KIAA1549L: variants seen among roughly 807,000 people sequenced by gnomAD.
KIAA1549L encodes UPF0606 protein KIAA1549L.
In KIAA1549L, 88 loss-of-function variants were observed where a neutral mutation model predicts 160.7. The ratio of observed to expected loss-of-function variants is 0.55; its 90% CI spans 0.46 to 0.65. The LOEUF (loss-of-function observed/expected upper bound fraction) is 0.65, where lower values mean the gene tolerates loss of function less well. KIAA1549L is among the 30% of genes least tolerant of loss of function. The probability of loss-of-function intolerance (pLI) is 0.00; values close to 1 mark genes in which losing one functional copy is unlikely to be tolerated. For missense variants in KIAA1549L, 2,258 were observed against 2,437.5 expected, an observed-to-expected ratio of 0.93 and a Z score of 1.55; for synonymous variants, 950 against 976.7, an observed-to-expected ratio of 0.97 and a Z score of 0.51.
At chr11:33,397,737 C>G (rs1850412204) in intron 1 of KIAA1549L, among the ~76,000 whole-genome samples, 1 of 150,708 alleles carries the variant, frequency 6.6e-6, no homozygotes, top group Admixed American at 6.6e-5. Context: ...CACACACACA[C>G]ACACACACAC....
rs186053392 is a variant in KIAA1549L at position 33,611,116 on chromosome 11, G to A, written c.5279+1150G>A. ...CTAAGCAGAGTGATTTCACATGCAC[G>A]GTCAAAGGCAGAGGTTAGTGAACCC... is the stretch of plus-strand genomic sequence containing the variant. On this transcript the variant is annotated intron_variant, in intron 15 of 20. Transcript: ENST00000658780. Among the ~76,000 whole-genome samples, 173 of 152,296 alleles carry A rather than the reference G, an allele frequency of 1.1e-3. 1 individual carries two copies. The highest frequency in any genetic ancestry group is 1.8e-3 in the Non-Finnish European group (121 of 68,020).
chr11:33,600,811 T>A (rs946446004), intron 13 of KIAA1549L, among the ~76,000 whole-genome samples: 1 of 152,262 alleles, frequency 6.6e-6, no homozygotes, highest in Non-Finnish European at 1.5e-5. Flanking sequence ...CCCTTTCTCT[T>A]GCTTTAAACT....
intron 6 of KIAA1549L, 121 bp from the exon 7 acceptor site, chr11:33,559,628 C>T: frequency 9.4e-6 from 7 of 741,320 alleles, no homozygotes; most frequent in Non-Finnish European, 1.6e-5. Context: ...TGCTGTTTCC[C>T]TGACCCCCTT....
At chr11:33,492,876 T>C (rs1487617163) in intron 1 of KIAA1549L, among the ~76,000 whole-genome samples, 1 of 152,152 alleles carries the variant, frequency 6.6e-6, no homozygotes, top group East Asian at 1.9e-4. Flanking sequence ...TTTTTTCTGC[T>C]TTGTTAACAT....
In KIAA1549L at chr11:33,484,757, C is replaced by T. The variant is rs569870282; in HGVS notation, c.239-57045C>T. Among the ~76,000 whole-genome samples, 377 of 152,282 alleles carry T rather than the reference C, an allele frequency of 2.5e-3. 3 individuals are homozygous for T. The highest frequency in any genetic ancestry group is 4.1e-3 in the Non-Finnish European group (277 of 68,020). ...GTTCTCCACTGCATCAGTGTTGTGT[C>T]TTCTCCTTTTTTCAGTCCCACTCCA... On this transcript the variant is annotated intron_variant, in intron 1 of 20. Coordinates refer to ENST00000658780, the MANE Select transcript of KIAA1549L (RefSeq NM_012194.3).
intron 1 of KIAA1549L, among the ~76,000 whole-genome samples, chr11:33,419,614 G>A (rs903679332): frequency 2.0e-5 from 3 of 152,068 alleles, no homozygotes; most frequent in African/African-American, 4.8e-5. Context: ...GGGAGGCCGA[G>A]GTGGGCGGAT....
At chr11:33,430,009 C>CCCTTCCTTCCTTCCTTCCTTCCTT (rs762169127) in intron 1 of KIAA1549L, among the ~76,000 whole-genome samples, 27 of 93,384 alleles carry the variant, frequency 2.9e-4, no homozygotes, top group African/African-American at 5.5e-4. Context: ...GCTCTGCCCT[C>CCCTTCCTTCCTTCCTTCCTTCCTT]CCTTCCTTCC....
chr11:33,435,847 TG>T (rs200391330), intron 1 of KIAA1549L, among the ~76,000 whole-genome samples: 2,165 of 97,944 alleles, frequency 0.022, 520 homozygotes, highest in African/African-American at 0.13. Context: ...TGTATATGTG[TG>T]TGTGTGTGTG....
intron 1 of KIAA1549L, among the ~76,000 whole-genome samples, chr11:33,408,300 G>A (rs1281457983): frequency 6.6e-6 from 1 of 152,048 alleles, no homozygotes; most frequent in Non-Finnish European, 1.5e-5. Flanking sequence ...TCTGAGTTGG[G>A]AGTGTTGCTG....
intron 16 of KIAA1549L, among the ~76,000 whole-genome samples, chr11:33,620,633 C>A (rs895035777): frequency 1.3e-5 from 2 of 152,132 alleles, no homozygotes; most frequent in Admixed American, 6.5e-5. Flanking sequence ...GAAACTGAGG[C>A]CAGTTATATA....
At chr11:33,536,922 C>T (rs980635849) in intron 1 of KIAA1549L, among the ~76,000 whole-genome samples, 4 of 152,140 alleles carry the variant, frequency 2.6e-5, no homozygotes, top group Non-Finnish European at 2.9e-5. Flanking sequence ...ATGGTTTTTC[C>T]AAAACAGAAA....
chr11:33,464,118 G>C (rs1038450467), intron 1 of KIAA1549L, among the ~76,000 whole-genome samples: 2 of 152,206 alleles, frequency 1.3e-5, no homozygotes, highest in Non-Finnish European at 2.9e-5. Context: ...CAGTCTTAAA[G>C]TGGTTAAGTA....
At chr11:33,593,496 A>C (rs748652499) in intron 12 of KIAA1549L, among the ~76,000 whole-genome samples, 18 of 152,330 alleles carry the variant, frequency 1.2e-4, no homozygotes, top group Non-Finnish European at 2.4e-4. Context: ...TGTGTGGCAA[A>C]CAGACTGTAG....
At chr11:33,553,626 C>G (rs1009488659) in intron 6 of KIAA1549L, among the ~76,000 whole-genome samples, 1 of 152,170 alleles carries the variant, frequency 6.6e-6, no homozygotes, top group Non-Finnish European at 1.5e-5. Flanking sequence ...AAAAATGTGT[C>G]ACAGACTGAA....
chr11:33,621,016 G>A (rs1460318149), intron 16 of KIAA1549L, among the ~76,000 whole-genome samples: 2 of 152,202 alleles, frequency 1.3e-5, no homozygotes, highest in Non-Finnish European at 2.9e-5. Context: ...TGGGGATCTA[G>A]AAGCCCTGCC....
At chr11:33,516,492 G>C (rs1375731195) in intron 1 of KIAA1549L, among the ~76,000 whole-genome samples, 1 of 152,206 alleles carries the variant, frequency 6.6e-6, no homozygotes, top group African/African-American at 2.4e-5. Flanking sequence ...ATCTGAGCGA[G>C]AAATCTGAGC....
chr11:33,377,172 C>T (rs769713677), intron 1 of KIAA1549L, among the ~76,000 whole-genome samples: 12 of 152,170 alleles, frequency 7.9e-5, no homozygotes, highest in Non-Finnish European at 1.3e-4. Context: ...TTTAGGACAC[C>T]TTAAACGGGA....
intron 1 of KIAA1549L, among the ~76,000 whole-genome samples, chr11:33,444,020 C>G (rs1233473031): frequency 6.6e-6 from 1 of 152,100 alleles, no homozygotes; most frequent in Non-Finnish European, 1.5e-5. Context: ...AGTTTTGTAC[C>G]CATAGGGTTT....
intron 13 of KIAA1549L, among the ~76,000 whole-genome samples, chr11:33,606,059 G>A (rs117518431): frequency 2.1e-3 from 315 of 152,120 alleles, no homozygotes; most frequent in African/African-American, 6.7e-3. Flanking sequence ...CGGAATTTTC[G>A]TAGCTTTCTT....
Sources: gnomAD v4.1 joint callset for allele counts (sites outside exome capture counted in the v4.1 genomes callset) on GRCh38, gnomAD v4.1.1 for gene constraint, MANE v1.5 for transcripts, NCBI Gene and HGNC (gene_info 2026-07-23, HGNC 2026-07-21) for gene names.